Variants in CSMD3 observed in about 807,000 individuals in gnomAD.
CSMD3 encodes CUB and Sushi multiple domains 3.
In CSMD3, 177 loss-of-function variants were observed where a neutral mutation model predicts 435.2. The ratio of observed to expected loss-of-function variants is 0.41; its 90% CI spans 0.36 to 0.46. CSMD3 has a LOEUF of 0.46. Among genes scored for constraint, CSMD3 ranks in the 20% least tolerant of loss-of-function variants. The pLI is 0.34. For synonymous variants in CSMD3, 1,656 were observed against 1,520.5 expected (o/e 1.09, Z -2.07); for missense variants, 4,265 against 4,504.6 (o/e 0.95, Z 1.52).
At chr8:112,880,087 C>A (rs2081405206) in intron 10 of CSMD3, among the ~76,000 whole-genome samples, 1 of 151,804 alleles carries the variant, frequency 6.6e-6, no homozygotes, top group Non-Finnish European at 1.5e-5. Flanking sequence ...TTAAATATAC[C>A]AAAATATAAT....
intron 7 of CSMD3, among the ~76,000 whole-genome samples, chr8:112,962,605 G>A (rs1321869631): frequency 6.6e-6 from 1 of 151,634 alleles, no homozygotes; most frequent in African/African-American, 2.4e-5. Context: ...CATCATCCCT[G>A]TGATTTCAGG....
intron 47 of CSMD3, among the ~76,000 whole-genome samples, chr8:112,315,709 C>T (rs1245900818): frequency 6.6e-6 from 1 of 151,772 alleles, no homozygotes; most frequent in Non-Finnish European, 1.5e-5. Flanking sequence ...TTACTGAGAA[C>T]ATTTAGGCAA....
chr8:112,320,277 T>G (rs1289038173), intron 45 of CSMD3, among the ~76,000 whole-genome samples: 1 of 152,078 alleles, frequency 6.6e-6, no homozygotes, highest in Non-Finnish European at 1.5e-5. Flanking sequence ...CAATTTGGAA[T>G]TACGTATTCA....
intron 13 of CSMD3, among the ~76,000 whole-genome samples, chr8:112,785,391 T>A (rs1387427016): frequency 6.6e-6 from 1 of 151,990 alleles, no homozygotes; most frequent in Non-Finnish European, 1.5e-5. Flanking sequence ...TTCAACATAG[T>A]ACCAGAAATT....
At position 112,920,687 on chromosome 8, in the gene CSMD3, T is replaced by C. The variant is rs551579836; in HGVS notation, c.1633+940A>G. Among the ~76,000 whole-genome samples, 440 of 152,014 alleles carry C rather than the reference T, an allele frequency of 2.9e-3. 2 individuals are homozygous for C. Among genetic ancestry groups the C allele is most frequent in the Non-Finnish European group, 4.9e-3 (330 of 67,922 alleles). ...CAAATTGACTTATAATCAGGTGTTTTGCACTGTGAATTACTTATTAAAACT... is the reference window on the plus strand; with the variant it reads ...CAAATTGACTTATAATCAGGTGTTTCGCACTGTGAATTACTTATTAAAACT... On this transcript the variant is annotated intron_variant, in intron 10 of 70. Transcript: ENST00000297405.
chr8:112,323,345 T>C (rs1284938817), intron 45 of CSMD3, among the ~76,000 whole-genome samples: 2 of 152,070 alleles, frequency 1.3e-5, no homozygotes, highest in African/African-American at 4.8e-5. Flanking sequence ...GCTGCCAATA[T>C]CTCAGTCTAG....
chr8:113,271,271 A>C (rs1332647332), intron 3 of CSMD3, among the ~76,000 whole-genome samples: 1 of 152,168 alleles, frequency 6.6e-6, no homozygotes, highest in African/African-American at 2.4e-5. Flanking sequence ...CTTAATGTTA[A>C]TCCCCAAGAC....
intron 36 of CSMD3, among the ~76,000 whole-genome samples, chr8:112,388,613 T>C (rs1251506902): frequency 6.6e-6 from 1 of 152,160 alleles, no homozygotes; most frequent in Non-Finnish European, 1.5e-5. Flanking sequence ...TTTTAGAGGT[T>C]GAATTTGACA....
intron 10 of CSMD3, among the ~76,000 whole-genome samples, chr8:112,893,237 C>T (rs557809619): frequency 1.3e-5 from 2 of 151,482 alleles, no homozygotes; most frequent in South Asian, 4.2e-4. Flanking sequence ...TAATTACCTA[C>T]ATTTCCCAAA....
intron 1 of CSMD3, among the ~76,000 whole-genome samples, chr8:113,428,457 T>A (rs1691130434): frequency 6.6e-6 from 1 of 151,796 alleles, no homozygotes; most frequent in Admixed American, 6.6e-5. Context: ...AACTGTATGA[T>A]CCTGGCAAAT....
At chr8:112,744,882 G>A (rs1406609009) in intron 13 of CSMD3, among the ~76,000 whole-genome samples, 6 of 152,130 alleles carry the variant, frequency 3.9e-5, no homozygotes, top group African/African-American at 1.4e-4. Flanking sequence ...TGATTCGGCG[G>A]TCAAATTAAG....
chr8:112,906,363 C>CA (rs571540187), intron 10 of CSMD3, among the ~76,000 whole-genome samples: 1 of 151,046 alleles, frequency 6.6e-6, no homozygotes, highest in South Asian at 2.1e-4. Flanking sequence ...AACTTCACCC[C>CA]AAAAAACAAC....
At chr8:112,413,379 G>C (rs1811561371) in intron 32 of CSMD3, among the ~76,000 whole-genome samples, 2 of 152,122 alleles carry the variant, frequency 1.3e-5, no homozygotes, top group Admixed American at 1.3e-4. Flanking sequence ...GTTTCAATAA[G>C]CATTTGTTTT....
rs551789043 is a variant in CSMD3 at position 112,629,781 on chromosome 8, T to C, written c.3715+7036A>G. Among the ~76,000 whole-genome samples the C allele has an allele frequency of 4.6e-5, 7 of 152,288 alleles. No homozygotes were observed. In the East Asian group the frequency reaches 1.3e-3, roughly 29 times the overall value. On this transcript the variant is annotated intron_variant, in intron 22 of 70. Transcript: ENST00000297405. ...TGGACAGACTTTAAGTTGAACCCCA[T>C]GATACCTGTTTTTTTAGCAATTATG...
intron 47 of CSMD3, among the ~76,000 whole-genome samples, chr8:112,316,825 C>A (rs1221914764): frequency 6.6e-6 from 1 of 151,868 alleles, no homozygotes; most frequent in East Asian, 1.9e-4. Flanking sequence ...AAAACCATAT[C>A]TGGAATTATT....
intron 58 of CSMD3, among the ~76,000 whole-genome samples, chr8:112,283,482 T>A (rs948122984): frequency 6.6e-6 from 1 of 151,712 alleles, no homozygotes; most frequent in Non-Finnish European, 1.5e-5. Context: ...TATATATGCA[T>A]ATGTGTATAT....
At chr8:113,064,811 C>A (rs950957646) in intron 5 of CSMD3, among the ~76,000 whole-genome samples, 1 of 152,032 alleles carries the variant, frequency 6.6e-6, no homozygotes, top group African/African-American at 2.4e-5. Flanking sequence ...GAAGACAGGG[C>A]TTAGCAGTAC....
At chr8:112,450,081 C>T (rs1699288261) in intron 32 of CSMD3, among the ~76,000 whole-genome samples, 1 of 152,128 alleles carries the variant, frequency 6.6e-6, no homozygotes. Context: ...TTGAATATTT[C>T]CTACATTCTG....
At chr8:113,145,746 T>C (rs897557703) in intron 4 of CSMD3, among the ~76,000 whole-genome samples, 1 of 151,616 alleles carries the variant, frequency 6.6e-6, no homozygotes, top group Non-Finnish European at 1.5e-5. Flanking sequence ...ATTTTCTAGA[T>C]TGGTACATGA....
Sources: gnomAD v4.1 joint callset for allele counts (sites outside exome capture counted in the v4.1 genomes callset) on GRCh38, gnomAD v4.1.1 for gene constraint, MANE v1.5 for transcripts, NCBI Gene and HGNC (gene_info 2026-07-23, HGNC 2026-07-21) for gene names.